AKT1: variants seen among roughly 807,000 people sequenced by gnomAD.
The protein encoded by AKT1 is AKT serine/threonine kinase 1.
AKT1 carries 21 observed loss-of-function variants against 63.1 expected under a neutral mutation model. The observed-to-expected ratio is 0.33, with a 90% CI of 0.24 to 0.48. The LOEUF (loss-of-function observed/expected upper bound fraction) is 0.48, where lower values mean the gene tolerates loss of function less well. Among genes scored for constraint, AKT1 ranks in the 20% least tolerant of loss-of-function variants. The pLI is 0.99. For missense variants in AKT1, 382 were observed against 666.0 expected, an observed-to-expected ratio of 0.57 and a Z score of 4.69; for synonymous variants, 257 against 253.1, an observed-to-expected ratio of 1.02 and a Z score of -0.15.
chr14:104,791,948 G>C (rs1407675100), intron 3 of AKT1, among the ~76,000 whole-genome samples: 1 of 152,238 alleles, frequency 6.6e-6, no homozygotes, highest in Non-Finnish European at 1.5e-5. Flanking sequence ...AGCAACGGAG[G>C]GTGGGTGAGG....
At chr14:104,784,219 A>C (rs1380305398) in intron 3 of AKT1, among the ~76,000 whole-genome samples, 1 of 151,924 alleles carries the variant, frequency 6.6e-6, no homozygotes, top group Non-Finnish European at 1.5e-5. Flanking sequence ...CTGACCCTTA[A>C]CCCTGTGACA....
At chr14:104,793,889 T>C (rs1893753721) in intron 1 of AKT1, 1 of 152,206 alleles carries the variant, frequency 6.6e-6, no homozygotes, top group African/African-American at 2.4e-5. Flanking sequence ...CTCTGGGACC[T>C]CCAGGCCAGG....
intron 3 of AKT1, among the ~76,000 whole-genome samples, chr14:104,783,858 G>A (rs1168775938): frequency 6.6e-6 from 1 of 152,216 alleles, no homozygotes; most frequent in African/African-American, 2.4e-5. Context: ...TGCAACCCCG[G>A]CCTGGGCCTC....
At position 104,769,668 on chromosome 14, in the gene AKT1, A is replaced by G; in HGVS notation, c.*673T>C. ...GAAGGGGGAGGGCTTTCCTGTCACA[A>G]AGATTAAAAACCCCCAAAATGCATT... On this transcript the variant is annotated 3_prime_UTR_variant, in exon 15 of 15. Coordinates refer to ENST00000649815, the MANE Select transcript of AKT1 (RefSeq NM_001382430.1). The G allele has an allele frequency of 2.1e-6, 1 of 475,128 alleles. No homozygotes were observed. Among genetic ancestry groups the G allele is most frequent in the African/African-American group, 2.0e-5 (1 of 50,200 alleles). The allele number at this position is 475,128 out of a possible 1,614,324, so 29.4% of individuals were successfully genotyped here. A position where few individuals can be genotyped will look rare whatever the true frequency, so the allele number is the denominator to read the frequency against.
intron 3 of AKT1, among the ~76,000 whole-genome samples, chr14:104,791,263 G>T (rs1318362633): frequency 2.0e-5 from 3 of 152,158 alleles, no homozygotes; most frequent in African/African-American, 7.2e-5. Flanking sequence ...TCGGGGCAGG[G>T]GGTCCCTGAC....
rs2230508 is a variant in AKT1, at chr14:104,773,473, C to T, written c.810G>A (p.Val270=). Residue 270 remains valine, a synonymous_variant, in exon 10 of 15, where the codon GTG becomes GTA. Coordinates refer to ENST00000649815, the MANE Select transcript of AKT1 (RefSeq NM_001382430.1). ...ALDYLHSEKN[V]VYRDLKLENL... is the part of the protein sequence containing the mutation. Reference sequence around the variant, plus strand: ...AGCGCACCTTGAGGTCCCGGTACACCACGTTCTTCTCCGAGTGCAGGTAGT... The same window carrying T: ...AGCGCACCTTGAGGTCCCGGTACACTACGTTCTTCTCCGAGTGCAGGTAGT... The T allele has an allele frequency of 3.7e-6, 6 of 1,613,958 alleles. No homozygotes were observed. The highest frequency in any genetic ancestry group is 1.6e-4 in the Middle Eastern group (1 of 6,062).
In AKT1 at chr14:104,773,067, C is replaced by T. The variant is rs1892486033; in HGVS notation, c.983G>A (p.Arg328His). The T allele has an allele frequency of 2.5e-6, 4 of 1,614,108 alleles. No homozygotes were observed. The highest frequency in any genetic ancestry group is 3.4e-6 in the Non-Finnish European group (4 of 1,180,012). Residue 328 changes from arginine (R) to histidine (H), a missense_variant, in exon 12 of 15, where the codon CGT becomes CAT. Transcript: ENST00000649815. ...PEVLEDNDYG[R>H]AVDWWGLGVV... is the part of the protein sequence containing the mutation. ...GCCCAGCCCCCACCAGTCCACTGCA[C>T]GGCCGTAGTCATTGTCCTCCAGCAC...
intron 13 of AKT1, chr14:104,771,896 A>G: frequency 4.0e-6 from 1 of 252,090 alleles, no homozygotes; most frequent in East Asian, 5.8e-5. Flanking sequence ...ATGTGCCAGA[A>G]AAGTAGGTGC....
At chr14:104,772,736 G>T in intron 12 of AKT1, 142 bp downstream of exon 12, 1 of 1,009,044 alleles carries the variant, frequency 9.9e-7, no homozygotes, top group Non-Finnish European at 1.4e-6. Context: ...TGAGGCTTTG[G>T]AGATCAGCCC....
chr14:104,773,416 C>T lies in AKT1; in HGVS notation c.829-37G>A, dbSNP rs1427770940. The T allele has an allele frequency of 3.1e-6, 5 of 1,613,950 alleles. No homozygotes were observed. The Admixed American group carries it at 8.3e-5, about 27-fold the overall frequency. ...GTGGCCTCAGGTCAGTGCCGCCAGG[C>T]CCCCAGGGCCCTGCCCCCCTGCCTG... On this transcript the variant is annotated intron_variant, in intron 10 of 14. Coordinates refer to ENST00000649815, the MANE Select transcript of AKT1 (RefSeq NM_001382430.1).
At chr14:104,777,014 G>C (rs1158363578) in intron 4 of AKT1, 7 of 487,578 alleles carry the variant, frequency 1.4e-5, no homozygotes, top group Non-Finnish European at 2.6e-5. Flanking sequence ...CCCGGCGTCA[G>C]GTCAAACCCC....
chr14:104,777,825 G>C (rs1217152723), intron 4 of AKT1: 2 of 570,434 alleles, frequency 3.5e-6, no homozygotes, highest in African/African-American at 4.1e-5. Context: ...CCAGGAGGGG[G>C]CTCGGGACCA....
At chr14:104,770,544 T>C in intron 14 of AKT1, 124 bp from the exon 15 acceptor site, 1 of 1,079,008 alleles carries the variant, frequency 9.3e-7, no homozygotes, top group African/African-American at 1.6e-5. Flanking sequence ...GCCAGGAAAC[T>C]GAGACAGGGC....
At chr14:104,789,581 A>G (rs1464247142) in intron 3 of AKT1, among the ~76,000 whole-genome samples, 1 of 152,246 alleles carries the variant, frequency 6.6e-6, no homozygotes, top group Admixed American at 6.5e-5. Flanking sequence ...TGATTTTTTA[A>G]AATTGTCAGC....
chr14:104,792,156 C>T (rs879418940), intron 3 of AKT1, among the ~76,000 whole-genome samples: 4 of 152,174 alleles, frequency 2.6e-5, no homozygotes, highest in Admixed American at 6.5e-5. Flanking sequence ...TGTGCCCAGG[C>T]GGTACGGATT....
intron 13 of AKT1, 162 bp downstream of exon 13, chr14:104,772,203 C>T (rs1407301581): frequency 6.8e-6 from 5 of 740,540 alleles, no homozygotes; most frequent in Admixed American, 2.2e-5. Flanking sequence ...GAGCACCAGG[C>T]GCTGAGGTTG....
intron 3 of AKT1, among the ~76,000 whole-genome samples, chr14:104,782,533 G>A (rs903903307): frequency 1.2e-4 from 19 of 152,190 alleles, no homozygotes; most frequent in Non-Finnish European, 2.2e-4. Flanking sequence ...GTGCGGGAGG[G>A]GCAGGCCCAG....
intron 3 of AKT1, among the ~76,000 whole-genome samples, chr14:104,785,992 G>A: frequency 6.6e-6 from 1 of 152,040 alleles, no homozygotes; most frequent in Non-Finnish European, 1.5e-5. Context: ...CTCCCCCACA[G>A]GCACTGCCCG....
intron 3 of AKT1, among the ~76,000 whole-genome samples, chr14:104,790,236 C>A (rs1325627119): frequency 6.6e-6 from 1 of 152,206 alleles, no homozygotes; most frequent in African/African-American, 2.4e-5. Flanking sequence ...CAGGTGCGGG[C>A]CAGCCTCTGA....
Sources: gnomAD v4.1 joint callset for allele counts (sites outside exome capture counted in the v4.1 genomes callset) on GRCh38, gnomAD v4.1.1 for gene constraint, MANE v1.5 for transcripts, NCBI Gene and HGNC (gene_info 2026-07-23, HGNC 2026-07-21) for gene names.